The following CSRNP3 variants were observed in gnomAD, a reference collection of about 807,000 sequenced individuals.
CSRNP3 encodes cysteine and serine rich nuclear protein 3, also known as cysteine/serine-rich nuclear protein 3.
Under a neutral mutation model 48.0 loss-of-function variants are expected in CSRNP3, and 12 were observed. The ratio of observed to expected loss-of-function variants is 0.25; its 90% CI spans 0.16 to 0.41. The LOEUF (loss-of-function observed/expected upper bound fraction) is 0.41, where lower values mean the gene tolerates loss of function less well. Ranked by LOEUF, CSRNP3 falls within the 10% of genes least tolerant of loss-of-function variation. The pLI, the probability that CSRNP3 is intolerant of heterozygous loss-of-function variation, is 1.00. For synonymous variants in CSRNP3, 263 were observed against 269.7 expected (o/e 0.98, Z 0.24); for missense variants, 580 against 724.4 (o/e 0.80, Z 2.29).
At chr2:165,559,476 C>G (rs960106981) in intron 3 of CSRNP3, among the ~76,000 whole-genome samples, 1 of 151,742 alleles carries the variant, frequency 6.6e-6, no homozygotes, top group Admixed American at 6.6e-5. Context: ...ATACACTAGA[C>G]CAAGATAAAT....
At chr2:165,637,783 T>TA (rs1279983875) in intron 4 of CSRNP3, among the ~76,000 whole-genome samples, 1 of 152,228 alleles carries the variant, frequency 6.6e-6, no homozygotes, top group East Asian at 1.9e-4. Context: ...ACAGTCTTTG[T>TA]AAATCTACTT....
At chr2:165,580,914 G>A (rs1027407324) in intron 3 of CSRNP3, among the ~76,000 whole-genome samples, 2 of 151,388 alleles carry the variant, frequency 1.3e-5, no homozygotes, top group African/African-American at 2.4e-5. Context: ...CAAGGAATTA[G>A]GCTAAGTACT....
intron 4 of CSRNP3, among the ~76,000 whole-genome samples, chr2:165,650,250 TA>T (rs2105341068): frequency 6.6e-6 from 1 of 152,282 alleles, no homozygotes; most frequent in African/African-American, 2.4e-5. Flanking sequence ...GTGCCTGGAA[TA>T]AAAAAGGACA....
chr2:165,558,097 T>G (rs1160324676), intron 3 of CSRNP3, among the ~76,000 whole-genome samples: 1 of 151,950 alleles, frequency 6.6e-6, no homozygotes, highest in African/African-American at 2.4e-5. Context: ...CCACTAACAA[T>G]GTAAAAAGAA....
At chr2:165,627,302 T>C (rs887146413) in intron 4 of CSRNP3, among the ~76,000 whole-genome samples, 6 of 152,166 alleles carry the variant, frequency 3.9e-5, no homozygotes, top group Non-Finnish European at 5.9e-5. Flanking sequence ...TTGATTTCTC[T>C]ATTGTCTCTG....
At chr2:165,583,661 C>T (rs983941792) in intron 3 of CSRNP3, among the ~76,000 whole-genome samples, 1 of 152,162 alleles carries the variant, frequency 6.6e-6, no homozygotes, top group Non-Finnish European at 1.5e-5. Flanking sequence ...TATTTAAGTC[C>T]TCTTCCTCTT....
chr2:165,619,669 G>A (rs951561427), intron 4 of CSRNP3, among the ~76,000 whole-genome samples: 1 of 152,060 alleles, frequency 6.6e-6, no homozygotes, highest in Admixed American at 6.6e-5. Flanking sequence ...TGATATCCTA[G>A]CATTTATCCA....
At chr2:165,536,991 G>A (rs1229276866) in intron 3 of CSRNP3, among the ~76,000 whole-genome samples, 1 of 151,780 alleles carries the variant, frequency 6.6e-6, no homozygotes, top group Non-Finnish European at 1.5e-5. Flanking sequence ...AAGGGAAATT[G>A]AAACCAGGAT....
At chr2:165,569,941 CTTGT>C (rs1439590966) in intron 3 of CSRNP3, among the ~76,000 whole-genome samples, 2 of 151,566 alleles carry the variant, frequency 1.3e-5, no homozygotes, top group Non-Finnish European at 2.9e-5. Flanking sequence ...ACTTATTATA[CTTGT>C]TTGTCTGTGT....
rs1225043221 is a variant in CSRNP3, at chr2:165,687,918, T to G, written c.*8165T>G. On this transcript the variant is annotated 3_prime_UTR_variant, in exon 7 of 7. Transcript: ENST00000651982. ...CCGAAATCAATGTTTCCTTTCTCCA[T>G]GGGATTTTTTTCAATCTTGGTACAG... 1 of 151,978 alleles carries G rather than the reference T, an allele frequency of 6.6e-6. No individual in the cohort carries two copies. Among genetic ancestry groups the G allele is most frequent in the Non-Finnish European group, 1.5e-5 (1 of 67,962 alleles). The allele number at this position is 151,978 out of a possible 1,614,324, so 9.4% of individuals were successfully genotyped here. A position where few individuals can be genotyped will look rare whatever the true frequency, so the allele number is the denominator to read the frequency against.
rs932070926 is a variant in CSRNP3 at position 165,615,068 on chromosome 2, T to A, written c.148+19855T>A. Among the ~76,000 whole-genome samples, 3 of 152,366 alleles carry A rather than the reference T, an allele frequency of 2.0e-5. No homozygotes were observed. In the East Asian group the frequency reaches 5.8e-4, roughly 29 times the overall value. ...GATTTAATGATCTGTAAATGTCTGT[T>A]ATTGTCATTTGGTCTATACTGAAGT... On this transcript the variant is annotated intron_variant, in intron 4 of 6. Transcript: ENST00000651982.
At chr2:165,584,430 C>T (rs1293166820) in intron 3 of CSRNP3, among the ~76,000 whole-genome samples, 2 of 152,074 alleles carry the variant, frequency 1.3e-5, no homozygotes, top group Non-Finnish European at 2.9e-5. Context: ...AAACAAAGAG[C>T]TAGGTAGTAG....
At chr2:165,677,906 C>G (rs1055751241) in intron 6 of CSRNP3, among the ~76,000 whole-genome samples, 5 of 152,176 alleles carry the variant, frequency 3.3e-5, no homozygotes, top group African/African-American at 1.2e-4. Flanking sequence ...GGTATCCAAT[C>G]ACCAAAATAG....
chr2:165,493,539 C>T (rs1179667213), intron 1 of CSRNP3, among the ~76,000 whole-genome samples: 1 of 152,048 alleles, frequency 6.6e-6, no homozygotes, highest in African/African-American at 2.4e-5. Context: ...AAAAATTGCT[C>T]CTTTGACTGT....
At chr2:165,620,743 T>A (rs1297810922) in intron 4 of CSRNP3, among the ~76,000 whole-genome samples, 1 of 152,132 alleles carries the variant, frequency 6.6e-6, no homozygotes. Flanking sequence ...ACATGTGGTA[T>A]TTGTAAGGTG....
chr2:165,487,582 C>T (rs1390059525), intron 1 of CSRNP3, among the ~76,000 whole-genome samples: 25 of 147,822 alleles, frequency 1.7e-4, no homozygotes, highest in African/African-American at 6.4e-4. Context: ...GCCCATCAGA[C>T]TAACAGCGGA....
intron 1 of CSRNP3, among the ~76,000 whole-genome samples, chr2:165,485,266 T>C (rs1192011746): frequency 6.6e-6 from 1 of 152,188 alleles, no homozygotes; most frequent in Admixed American, 6.5e-5. Context: ...TTCCAAGGCA[T>C]AGAAGTATAA....
intron 2 of CSRNP3, among the ~76,000 whole-genome samples, chr2:165,505,485 C>G (rs1007820003): frequency 2.0e-5 from 3 of 152,082 alleles, no homozygotes; most frequent in African/African-American, 7.2e-5. Context: ...TAGAACAACA[C>G]TGCTCTGTTT....
intron 4 of CSRNP3, among the ~76,000 whole-genome samples, chr2:165,621,761 T>TA (rs1221855897): frequency 1.3e-5 from 2 of 152,236 alleles, no homozygotes; most frequent in East Asian, 3.8e-4. Context: ...TTAGTCTTGA[T>TA]ACCTGCAACA....
Sources: allele counts gnomAD v4.1 joint callset (sites outside exome capture counted in the v4.1 genomes callset), GRCh38; gene constraint gnomAD v4.1.1; transcripts MANE v1.5; gene names NCBI Gene and HGNC (gene_info 2026-07-23, HGNC 2026-07-21).